Variants in HMGN5 observed in about 807,000 individuals in gnomAD.
HMGN5 encodes high mobility group nucleosome-binding domain-containing protein 5.
A neutral mutation model predicts 9.5 loss-of-function variants in HMGN5; 4 were observed. That is an observed-to-expected ratio of 0.42 (90% CI 0.21 to 0.96). The LOEUF is 0.96. Among genes scored for constraint, HMGN5 ranks in the 40% least tolerant of loss-of-function variants. HMGN5 has a pLI of 0.30. For missense variants in HMGN5, 192 were observed against 187.5 expected (o/e 1.02, Z -0.14); for synonymous variants, 55 against 57.1 (o/e 0.96, Z 0.16).
In HMGN5 at chrX:81,116,278, C is replaced by T; in HGVS notation, c.193G>A (p.Glu65Lys). The change falls in exon 6 of 7, where the codon GAA (glutamate) becomes AAA (lysine). Residue 65 changes from glutamate (E) to lysine (K), a missense_variant. Transcript: ENST00000358130. Reference sequence around the variant, plus strand: ...TCAACAACTGCTTCTTGCTTGGTTTCAGCAACTGCTTGGGCACTTGTATCT... The same window carrying T: ...TCAACAACTGCTTCTTGCTTGGTTTTAGCAACTGCTTGGGCACTTGTATCT... ...NIDTSAQAVA[E>K]TKQEAVVEED... The T allele has an allele frequency of 8.4e-7, 1 of 1,193,300 alleles. No individual in the cohort carries two copies. Among genetic ancestry groups the T allele is most frequent in the Non-Finnish European group, 1.1e-6 (1 of 879,520 alleles).
chrX:81,141,658 C>A (rs2075330461), intron 1 of HMGN5, among the ~76,000 whole-genome samples: 2 of 111,471 alleles, frequency 1.8e-5, no homozygotes, highest in South Asian at 7.6e-4. Flanking sequence ...TGGAAGCATC[C>A]CAAAACAGAT....
chrX:81,162,215 T>C (rs1319231438), intron 1 of HMGN5, among the ~76,000 whole-genome samples: 1 of 110,625 alleles, frequency 9.0e-6, no homozygotes, highest in Non-Finnish European at 1.9e-5. Flanking sequence ...AAATCTCTTA[T>C]TATGGCTTTT....
intron 1 of HMGN5, 102 bp from the exon 2 acceptor site, chrX:81,121,774 A>G (rs1240414481): frequency 6.2e-6 from 2 of 323,369 alleles, no homozygotes; most frequent in African/African-American, 5.5e-5. Flanking sequence ...CATTGGAGTG[A>G]CAGGCTCTCA....
At chrX:81,187,205 T>C (rs2075480013) in intron 1 of HMGN5, among the ~76,000 whole-genome samples, 1 of 111,905 alleles carries the variant, frequency 8.9e-6, no homozygotes, top group African/African-American at 3.2e-5. Flanking sequence ...AAATTTCTGT[T>C]AGTTCACTTT....
intron 1 of HMGN5, among the ~76,000 whole-genome samples, chrX:81,169,720 T>C (rs915628131): frequency 1.8e-5 from 2 of 111,041 alleles, no homozygotes. Context: ...AAAACAAAGA[T>C]ATCCCTCCTA....
intron 1 of HMGN5, among the ~76,000 whole-genome samples, chrX:81,160,747 A>G (rs1238222671): frequency 2.7e-5 from 3 of 111,389 alleles, no homozygotes; most frequent in Non-Finnish European, 5.7e-5. Context: ...TATATGTACC[A>G]CATTTTCTTT....
At chrX:81,194,954 T>C (rs1268818032) in intron 1 of HMGN5, among the ~76,000 whole-genome samples, 5 of 112,180 alleles carry the variant, frequency 4.5e-5, no homozygotes, top group Non-Finnish European at 9.4e-5. Flanking sequence ...TCACTGTAAC[T>C]GGAGGTGTTC....
At chrX:81,175,484 TAAAC>T (rs1435433394) in intron 1 of HMGN5, among the ~76,000 whole-genome samples, 1 of 111,780 alleles carries the variant, frequency 8.9e-6, no homozygotes. Flanking sequence ...GAAAGGAAAA[TAAAC>T]AATCATGTTT....
chrX:81,115,268 G>A (rs746042045), intron 6 of HMGN5, 38 bp from the exon 7 acceptor site: 3 of 1,106,395 alleles, frequency 2.7e-6, no homozygotes, highest in Non-Finnish European at 3.5e-6. Flanking sequence ...GATTCTGTCT[G>A]TAAATTTAGA....
intron 1 of HMGN5, among the ~76,000 whole-genome samples, chrX:81,192,899 G>T (rs2075497961): frequency 1.8e-5 from 2 of 110,609 alleles, no homozygotes; most frequent in African/African-American, 6.6e-5. Context: ...TCCTTTGATG[G>T]TAATACCTCT....
intron 1 of HMGN5, among the ~76,000 whole-genome samples, chrX:81,190,548 A>T (rs1463585788): frequency 9.0e-6 from 1 of 111,220 alleles, no homozygotes; most frequent in Admixed American, 9.6e-5. Flanking sequence ...AAATTTTCAT[A>T]TTCTCTGTAA....
chrX:81,131,498 TC>T (rs1299737577), intron 1 of HMGN5, among the ~76,000 whole-genome samples: 1 of 111,138 alleles, frequency 9.0e-6, no homozygotes, highest in East Asian at 2.8e-4. Context: ...CCTTGCAGCT[TC>T]CATTTTAGGC....
In HMGN5 at chrX:81,116,323, C is replaced by T. The variant is rs764982112; in HGVS notation, c.148G>A (p.Asp50Asn). ...SSSRKMKTKS[D>N]MMEENIDTSA... is the part of the protein sequence containing the mutation. ...GTATCTATGTTTTCTTCCATCATATCACTTTTTGTCTTCATTTTCTGCCAA... is the reference window on the plus strand; with the variant it reads ...GTATCTATGTTTTCTTCCATCATATTACTTTTTGTCTTCATTTTCTGCCAA... Residue 50 changes from aspartate to asparagine, a missense_variant, in exon 6 of 7, where the codon GAT (aspartate) becomes AAT (asparagine). Physicochemically the swap from Asp to Asn is conservative, Grantham distance 23 (BLOSUM62 1). Transcript: ENST00000358130. The T allele has an allele frequency of 3.4e-6, 4 of 1,188,463 alleles. No homozygotes were observed. The highest frequency in any genetic ancestry group is 4.6e-6 in the Non-Finnish European group (4 of 877,812).
intron 1 of HMGN5, among the ~76,000 whole-genome samples, chrX:81,188,737 T>C (rs1018811403): frequency 1.8e-5 from 2 of 110,373 alleles, no homozygotes; most frequent in African/African-American, 6.6e-5. Flanking sequence ...TTTGGTTTTT[T>C]GTCCCTGCGA....
At chrX:81,130,002 T>A (rs955121900) in intron 1 of HMGN5, among the ~76,000 whole-genome samples, 1 of 111,783 alleles carries the variant, frequency 8.9e-6, no homozygotes, top group Non-Finnish European at 1.9e-5. Flanking sequence ...AGAAATTAGA[T>A]GAAAAAACTT....
intron 1 of HMGN5, among the ~76,000 whole-genome samples, chrX:81,149,429 T>C (rs2075354648): frequency 9.0e-6 from 1 of 111,131 alleles, no homozygotes; most frequent in Admixed American, 9.6e-5. Flanking sequence ...GTTGAACACA[T>C]GGACACAGGG....
chrX:81,201,816 C>T lies in HMGN5; in HGVS notation c.-203G>A, dbSNP rs2075527989. 1 of 174,039 alleles carries T rather than the reference C, an allele frequency of 5.7e-6. No individual in the cohort carries two copies. The highest frequency in any genetic ancestry group is 3.1e-5 in the African/African-American group (1 of 32,022). The allele number at this position is 174,039 out of a possible 1,213,427, so 14.3% of individuals were successfully genotyped here. A position where few individuals can be genotyped will look rare whatever the true frequency, so the allele number is the denominator to read the frequency against. On this transcript the variant is annotated 5_prime_UTR_variant, in exon 1 of 7. Transcript: ENST00000358130. Reference sequence around the variant, plus strand: ...TTATGCGCAGTACTTTTAGTCTCCGCGTGAAAAGGTCCTTCATGCTAATCT... The same window carrying T: ...TTATGCGCAGTACTTTTAGTCTCCGTGTGAAAAGGTCCTTCATGCTAATCT...
chrX:81,189,962 A>C lies in HMGN5; in HGVS notation c.-124+11775T>G, dbSNP rs376016431. On this transcript the variant is annotated intron_variant, in intron 1 of 6. Transcript: ENST00000358130. ...TGGTATCTCATTGTTGTTTTCATTT[A>C]CATTTCCATCATGACATACGAAGCT... Among the ~76,000 whole-genome samples the C allele has an allele frequency of 2.5e-4, 28 of 112,351 alleles. No individual in the cohort carries two copies. The South Asian group carries it at 5.5e-3, about 22-fold the overall frequency.
intron 1 of HMGN5, among the ~76,000 whole-genome samples, chrX:81,147,396 C>A (rs1413400375): frequency 9.0e-6 from 1 of 111,407 alleles, no homozygotes; most frequent in Non-Finnish European, 1.9e-5. Flanking sequence ...AGACAAAAAC[C>A]ACGTGATTAT....
Sources: allele counts gnomAD v4.1 joint callset (sites outside exome capture counted in the v4.1 genomes callset), GRCh38; gene constraint gnomAD v4.1.1; transcripts MANE v1.5; gene names NCBI Gene and HGNC (gene_info 2026-07-23, HGNC 2026-07-21).